LRMDA: variants seen among roughly 807,000 people sequenced by gnomAD.
LRMDA encodes leucine-rich melanocyte differentiation-associated protein.
Under a neutral mutation model 29.8 loss-of-function variants are expected in LRMDA, and 18 were observed. The ratio of observed to expected loss-of-function variants is 0.60; its 90% CI spans 0.42 to 0.90. The LOEUF (loss-of-function observed/expected upper bound fraction) is 0.90, where lower values mean the gene tolerates loss of function less well. Ranked by LOEUF, LRMDA falls within the 40% of genes least tolerant of loss-of-function variation. LRMDA has a pLI of 0.00. For missense variants in LRMDA, 273 were observed against 273.9 expected (o/e 1.00, Z 0.02); for synonymous variants, 125 against 109.4 (o/e 1.14, Z -0.89).
At chr10:75,598,717 T>C (rs1840837377) in intron 2 of LRMDA, among the ~76,000 whole-genome samples, 1 of 152,186 alleles carries the variant, frequency 6.6e-6, no homozygotes, top group Non-Finnish European at 1.5e-5. Context: ...TTCGTTCTCC[T>C]CCTTCCGCGG....
chr10:75,939,827 A>G (rs1321208803), intron 2 of LRMDA, among the ~76,000 whole-genome samples: 1 of 152,096 alleles, frequency 6.6e-6, no homozygotes, highest in Middle Eastern at 3.2e-3. Flanking sequence ...CCTTGTGCAC[A>G]CTGCCCAGCC....
chr10:76,027,580 G>T (rs957996342), intron 2 of LRMDA, among the ~76,000 whole-genome samples: 1 of 152,098 alleles, frequency 6.6e-6, no homozygotes, highest in Non-Finnish European at 1.5e-5. Flanking sequence ...GTACAGAATT[G>T]TTATAATGTC....
At chr10:75,717,884 G>A (rs767495084) in intron 2 of LRMDA, among the ~76,000 whole-genome samples, 2 of 151,344 alleles carry the variant, frequency 1.3e-5, no homozygotes, top group Non-Finnish European at 3.0e-5. Context: ...CAGCCATATC[G>A]CACCAACATT....
intron 2 of LRMDA, among the ~76,000 whole-genome samples, chr10:75,945,460 A>G (rs1472957198): frequency 6.6e-6 from 1 of 152,208 alleles, no homozygotes; most frequent in African/African-American, 2.4e-5. Flanking sequence ...CCCAAGAAGA[A>G]GCAGAAAGGT....
intron 2 of LRMDA, among the ~76,000 whole-genome samples, chr10:75,772,411 T>C (rs1843252385): frequency 6.6e-6 from 1 of 152,184 alleles, no homozygotes; most frequent in African/African-American, 2.4e-5. Flanking sequence ...TCACTTCAGT[T>C]GAGTTCGTGA....
At chr10:76,383,757 T>C (rs6480810) in intron 6 of LRMDA, among the ~76,000 whole-genome samples, 44,949 of 151,916 alleles carry the variant, frequency 0.3, 10,007 homozygotes, top group African/African-American at 0.62. Flanking sequence ...CATAGAACTA[T>C]CCACCCTGAC....
chr10:76,276,532 CT>C (rs1840137102), intron 5 of LRMDA, among the ~76,000 whole-genome samples: 1 of 152,130 alleles, frequency 6.6e-6, no homozygotes, highest in African/African-American at 2.4e-5. Context: ...CTGAGAGCTT[CT>C]ACTTTTCTAC....
chr10:75,707,635 G>C (rs1354596653), intron 2 of LRMDA, among the ~76,000 whole-genome samples: 1 of 152,232 alleles, frequency 6.6e-6, no homozygotes, highest in African/African-American at 2.4e-5. Flanking sequence ...GGCTGCGAGA[G>C]AGCTGGAATT....
chr10:76,247,961 T>C (rs977795171), intron 5 of LRMDA, among the ~76,000 whole-genome samples: 8 of 152,068 alleles, frequency 5.3e-5, no homozygotes, highest in African/African-American at 1.9e-4. Context: ...GGAAGGGTAT[T>C]GTTATATGCA....
intron 5 of LRMDA, among the ~76,000 whole-genome samples, chr10:76,258,077 C>G (rs758363671): frequency 6.6e-6 from 1 of 152,170 alleles, no homozygotes; most frequent in African/African-American, 2.4e-5. Flanking sequence ...AGTCCACATA[C>G]GAGGGGTGGA....
intron 2 of LRMDA, among the ~76,000 whole-genome samples, chr10:75,687,264 C>G (rs1842094034): frequency 6.6e-6 from 1 of 152,214 alleles, no homozygotes; most frequent in Admixed American, 6.5e-5. Context: ...CTCATGCCAA[C>G]TGGTTAGTCA....
At chr10:76,451,298 T>C (rs536453209) in intron 6 of LRMDA, among the ~76,000 whole-genome samples, 7 of 151,806 alleles carry the variant, frequency 4.6e-5, no homozygotes, top group Non-Finnish European at 1.0e-4. Context: ...GCCTCCCAGG[T>C]TCATGCCATT....
chr10:75,534,550 T>A (rs1404973351), intron 2 of LRMDA, among the ~76,000 whole-genome samples: 1 of 152,248 alleles, frequency 6.6e-6, no homozygotes, highest in Non-Finnish European at 1.5e-5. Context: ...CAATAGTTTC[T>A]GATCTTTAGC....
chr10:76,521,821 A>G (rs946991881), intron 6 of LRMDA, among the ~76,000 whole-genome samples: 3 of 152,194 alleles, frequency 2.0e-5, no homozygotes, highest in African/African-American at 7.2e-5. Flanking sequence ...GTTAGCTCTC[A>G]TGTATTAATT....
chr10:75,984,137 C>T (rs559050163), intron 2 of LRMDA, among the ~76,000 whole-genome samples: 2 of 151,882 alleles, frequency 1.3e-5, no homozygotes, highest in Non-Finnish European at 2.9e-5. Flanking sequence ...TTTCCTTCAA[C>T]GACATCATGA....
chr10:75,608,463 C>T (rs574863991), intron 2 of LRMDA, among the ~76,000 whole-genome samples: 1 of 152,110 alleles, frequency 6.6e-6, no homozygotes, highest in East Asian at 1.9e-4. Flanking sequence ...TAGGAATTTG[C>T]TAAGAGAGTA....
chr10:75,665,052 A>C (rs1206151946), intron 2 of LRMDA, among the ~76,000 whole-genome samples: 2 of 152,114 alleles, frequency 1.3e-5, no homozygotes, highest in African/African-American at 4.8e-5. Context: ...CTGGGATTTG[A>C]ACTTTGGTCT....
intron 2 of LRMDA, among the ~76,000 whole-genome samples, chr10:75,877,681 AG>A (rs1235712046): frequency 2.0e-5 from 3 of 152,218 alleles, no homozygotes; most frequent in Non-Finnish European, 4.4e-5. Flanking sequence ...GAATACCTGG[AG>A]GTAGTTAGTA....
intron 6 of LRMDA, among the ~76,000 whole-genome samples, chr10:76,383,463 G>A (rs530673060): frequency 4.3e-4 from 53 of 124,162 alleles, no homozygotes; most frequent in East Asian, 2.9e-3. Flanking sequence ...TCGCTCTGTC[G>A]CCCAGGCCGG....
Sources: allele counts gnomAD v4.1 joint callset (sites outside exome capture counted in the v4.1 genomes callset), GRCh38; gene constraint gnomAD v4.1.1; transcripts MANE v1.5; gene names NCBI Gene and HGNC (gene_info 2026-07-23, HGNC 2026-07-21).